CD2AP: variants seen among roughly 807,000 people sequenced by gnomAD.
CD2AP encodes CD2 associated protein.
In CD2AP, 46 loss-of-function variants were observed where a neutral mutation model predicts 85.1. The ratio of observed to expected loss-of-function variants is 0.54; its 90% CI spans 0.43 to 0.69. The LOEUF (loss-of-function observed/expected upper bound fraction) is 0.69, where lower values mean the gene tolerates loss of function less well. CD2AP is among the 30% of genes least tolerant of loss of function. CD2AP has a pLI of 0.00. For synonymous variants in CD2AP, 255 were observed against 252.9 expected (o/e 1.01, Z -0.08); for missense variants, 769 against 729.5 (o/e 1.05, Z -0.62).
At chr6:47,604,844 A>G (rs1203067830) in intron 13 of CD2AP, among the ~76,000 whole-genome samples, 1 of 152,070 alleles carries the variant, frequency 6.6e-6, no homozygotes, top group Non-Finnish European at 1.5e-5. Flanking sequence ...ATATTAGAGT[A>G]TCTGTTTTAA....
intron 11 of CD2AP, 88 bp downstream of exon 11, chr6:47,582,153 C>T (rs896791322): frequency 2.3e-5 from 19 of 835,826 alleles, no homozygotes; most frequent in South Asian, 4.1e-5. Flanking sequence ...GAGTTATTTA[C>T]ACTGATTTTT....
At position 47,579,391 on chromosome 6, in the gene CD2AP, G is replaced by A; in HGVS notation, c.910G>A (p.Gly304Arg). Residue 304 changes from glycine (G) to arginine (R), a missense_variant, in exon 9 of 18, where the codon GGA (glycine) becomes AGA (arginine). By Grantham distance (125) the Gly-to-Arg change is moderately radical. Transcript: ENST00000359314. Reference sequence around the variant, plus strand: ...ATTCTATTTTGCTTTTTAGGAGACTGGAGAAGCTGGCTGGTGGAGGGGCGA... The same window carrying A: ...ATTCTATTTTGCTTTTTAGGAGACTAGAGAAGCTGGCTGGTGGAGGGGCGA... ...EIIHLISKET[G>R]EAGWWRGELN... 6.2e-7 allele frequency: 1 copy of A among 1,601,714 alleles called. No homozygotes were observed. The highest frequency in any genetic ancestry group is 1.1e-5 in the South Asian group (1 of 90,814).
intron 10 of CD2AP, among the ~76,000 whole-genome samples, 161 bp from the exon 11 acceptor site, chr6:47,581,842 G>T (rs1336669986): frequency 6.6e-6 from 1 of 152,126 alleles, no homozygotes; most frequent in Non-Finnish European, 1.5e-5. Flanking sequence ...GCAGGTCCAG[G>T]ATTAGAAATT....
At chr6:47,533,776 C>A in intron 3 of CD2AP, 21 bp downstream of exon 3, 1 of 1,610,408 alleles carries the variant, frequency 6.2e-7, no homozygotes, top group African/African-American at 1.3e-5. Context: ...AATTCCTTTC[C>A]TGCATAATTA....
At chr6:47,480,985 G>A (rs867704676) in intron 1 of CD2AP, among the ~76,000 whole-genome samples, 2 of 152,292 alleles carry the variant, frequency 1.3e-5, no homozygotes, top group Middle Eastern at 3.4e-3. Flanking sequence ...TGAAGTTTAT[G>A]TTTTTAGTGT....
At chr6:47,514,682 G>A (rs1043775105) in intron 2 of CD2AP, among the ~76,000 whole-genome samples, 4 of 152,220 alleles carry the variant, frequency 2.6e-5, no homozygotes, top group Admixed American at 2.6e-4. Flanking sequence ...TGCCTTACAT[G>A]ACTGAATGGC....
chr6:47,518,170 G>C (rs1218676091), intron 2 of CD2AP, among the ~76,000 whole-genome samples: 1 of 152,076 alleles, frequency 6.6e-6, no homozygotes, highest in East Asian at 1.9e-4. Flanking sequence ...ACTTCAAAGA[G>C]AACAGTGAAA....
intron 2 of CD2AP, among the ~76,000 whole-genome samples, chr6:47,518,722 CCATTTCA>C (rs1352799536): frequency 2.6e-5 from 4 of 152,108 alleles, no homozygotes; most frequent in Non-Finnish European, 4.4e-5. Flanking sequence ...AGTGATTGTC[CCATTTCA>C]CATTTCACAT....
chr6:47,584,943 T>G (rs1768580648), intron 11 of CD2AP, among the ~76,000 whole-genome samples: 1 of 152,062 alleles, frequency 6.6e-6, no homozygotes. Context: ...TCAGCAGTTT[T>G]GTTAAAATTC....
At chr6:47,548,176 C>T (rs1221326010) in intron 4 of CD2AP, among the ~76,000 whole-genome samples, 2 of 151,916 alleles carry the variant, frequency 1.3e-5, no homozygotes, top group Admixed American at 6.6e-5. Context: ...AACCCAAACT[C>T]GGCAGAAGAA....
At chr6:47,538,648 G>A (rs529372280) in intron 3 of CD2AP, among the ~76,000 whole-genome samples, 1 of 152,070 alleles carries the variant, frequency 6.6e-6, no homozygotes, top group Non-Finnish European at 1.5e-5. Context: ...CCAAAAATTG[G>A]GTCAAAAATC....
intron 17 of CD2AP, among the ~76,000 whole-genome samples, chr6:47,623,435 A>C (rs915705936): frequency 6.6e-6 from 1 of 152,174 alleles, no homozygotes; most frequent in Non-Finnish European, 1.5e-5. Context: ...TAAAGCCCTA[A>C]ATCTTACCAT....
Position 47,546,235 on chromosome 6 carries a change from A to G in CD2AP, c.420+1529A>G, listed in dbSNP as rs376641256. On this transcript the variant is annotated intron_variant, in intron 4 of 17. Coordinates refer to ENST00000359314, the MANE Select transcript of CD2AP (RefSeq NM_012120.3). ...TGCTGTGGGAAGTTTCAGCAATAGA[A>G]TTGAACAAGCAGAAGAAATAACTTC... is the stretch of plus-strand genomic sequence containing the variant. Among the ~76,000 whole-genome samples the G allele has an allele frequency of 1.1e-4, 16 of 152,262 alleles. No individual in the cohort carries two copies. The East Asian group carries it at 2.3e-3, about 22-fold the overall frequency.
intron 2 of CD2AP, among the ~76,000 whole-genome samples, chr6:47,506,319 T>G: frequency 2.1e-5 from 1 of 46,696 alleles, no homozygotes; most frequent in Non-Finnish European, 5.2e-5. Flanking sequence ...CTTTCCAGAC[T>G]GGGCAGCCAG....
intron 5 of CD2AP, among the ~76,000 whole-genome samples, chr6:47,565,830 C>A (rs545414057): frequency 3.3e-5 from 5 of 152,306 alleles, no homozygotes; most frequent in African/African-American, 1.2e-4. Flanking sequence ...TACCTACTTA[C>A]TGAATAGTCT....
intron 1 of CD2AP, among the ~76,000 whole-genome samples, chr6:47,485,747 T>G (rs991713243): frequency 1.3e-5 from 2 of 152,196 alleles, no homozygotes; most frequent in Non-Finnish European, 2.9e-5. Context: ...GTGTACCATT[T>G]TTATTACTTA....
chr6:47,554,828 T>C, intron 5 of CD2AP, 62 bp downstream of exon 5: 2 of 1,448,612 alleles, frequency 1.4e-6, no homozygotes, highest in Non-Finnish European at 1.9e-6. Flanking sequence ...TCTAGTGTTT[T>C]ATTTTGTATT....
chr6:47,572,499 T>G (rs2114093932), intron 5 of CD2AP, among the ~76,000 whole-genome samples: 1 of 152,330 alleles, frequency 6.6e-6, no homozygotes, highest in Non-Finnish European at 1.5e-5. Flanking sequence ...ATGGTTAGGG[T>G]AGATCACTAT....
intron 17 of CD2AP, among the ~76,000 whole-genome samples, chr6:47,622,351 C>T (rs1279676153): frequency 6.6e-6 from 1 of 152,174 alleles, no homozygotes; most frequent in Admixed American, 6.5e-5. Context: ...GAGTTGTGGC[C>T]TGGAGGTCTC....
Sources: allele counts gnomAD v4.1 joint callset (sites outside exome capture counted in the v4.1 genomes callset), GRCh38; gene constraint gnomAD v4.1.1; transcripts MANE v1.5; gene names NCBI Gene and HGNC (gene_info 2026-07-23, HGNC 2026-07-21).